The following GRIP1 variants were observed in gnomAD, a reference collection of about 807,000 sequenced individuals.
GRIP1 encodes glutamate receptor-interacting protein 1.
In GRIP1, 45 loss-of-function variants were observed where a neutral mutation model predicts 129.9. The observed-to-expected ratio is 0.35, with a 90% CI of 0.27 to 0.44. The LOEUF (loss-of-function observed/expected upper bound fraction) is 0.44, where lower values mean the gene tolerates loss of function less well. Among genes scored for constraint, GRIP1 ranks in the 20% least tolerant of loss-of-function variants. The pLI, the probability that GRIP1 is intolerant of heterozygous loss-of-function variation, is 1.00. For synonymous variants in GRIP1, 530 were observed against 520.8 expected (o/e 1.02, Z -0.24); for missense variants, 1,196 against 1,396.8 (o/e 0.86, Z 2.29).
chr12:66,725,444 TTA>T (rs1363412700), intron 1 of GRIP1, among the ~76,000 whole-genome samples: 1 of 152,200 alleles, frequency 6.6e-6, no homozygotes, highest in East Asian at 1.9e-4. Context: ...TTTTGTTGTT[TTA>T]TATATAAATT....
At chr12:66,923,337 C>T (rs1251595366) in intron 1 of GRIP1, among the ~76,000 whole-genome samples, 1 of 152,012 alleles carries the variant, frequency 6.6e-6, no homozygotes, top group Admixed American at 6.6e-5. Flanking sequence ...AGAGTGAGAC[C>T]CTGTCTCAAA....
At chr12:66,937,611 T>C (rs1336923715) in intron 1 of GRIP1, among the ~76,000 whole-genome samples, 1 of 152,144 alleles carries the variant, frequency 6.6e-6, no homozygotes, top group African/African-American at 2.4e-5. Context: ...GAATAGATGA[T>C]AACAGAATGC....
intron 1 of GRIP1, among the ~76,000 whole-genome samples, chr12:66,698,290 G>A (rs1466285109): frequency 6.6e-6 from 1 of 152,168 alleles, no homozygotes; most frequent in Non-Finnish European, 1.5e-5. Context: ...ACAATTAATT[G>A]TACTTAATTT....
chr12:66,989,785 T>C lies in GRIP1; in HGVS notation c.58+79265A>G, dbSNP rs554084809. ...GGAAATGGAATCCCTGGCTCCAACATGATCTGGCTGACGGCACCAAAACCT... is the reference window on the plus strand; with the variant it reads ...GGAAATGGAATCCCTGGCTCCAACACGATCTGGCTGACGGCACCAAAACCT... On this transcript the variant is annotated intron_variant, in intron 1 of 1. Transcript: ENST00000643019. 3.0e-3 allele frequency among the ~76,000 whole-genome samples: 460 copies of C among 152,320 alleles called. 3 individuals carry two copies. Among genetic ancestry groups the C allele is most frequent in the Non-Finnish European group, 3.9e-3 (264 of 68,020 alleles).
chr12:66,766,603 T>C (rs1028637755), intron 1 of GRIP1, among the ~76,000 whole-genome samples: 6 of 152,194 alleles, frequency 3.9e-5, no homozygotes, highest in Non-Finnish European at 5.9e-5. Flanking sequence ...ATGGCTGCCC[T>C]GTGAGGAACC....
At chr12:66,672,647 G>A (rs1480395286) in intron 1 of GRIP1, among the ~76,000 whole-genome samples, 4 of 151,992 alleles carry the variant, frequency 2.6e-5, no homozygotes, top group Non-Finnish European at 5.9e-5. Context: ...GAAACTAAAA[G>A]AGAGAAAAAG....
At chr12:66,846,569 A>G (rs2039819479) in intron 1 of GRIP1, among the ~76,000 whole-genome samples, 1 of 152,196 alleles carries the variant, frequency 6.6e-6, no homozygotes, top group Non-Finnish European at 1.5e-5. Context: ...GATGACTAAC[A>G]CCGAAAAAAT....
At chr12:66,990,509 A>G (rs746260338) in intron 1 of GRIP1, among the ~76,000 whole-genome samples, 16 of 152,234 alleles carry the variant, frequency 1.1e-4, no homozygotes, top group Non-Finnish European at 1.9e-4. Context: ...GGAAGCAAAC[A>G]AGTGTTGAGT....
At chr12:66,727,933 G>A (rs2036308388) in intron 1 of GRIP1, among the ~76,000 whole-genome samples, 1 of 152,156 alleles carries the variant, frequency 6.6e-6, no homozygotes, top group African/African-American at 2.4e-5. Flanking sequence ...GCATGGGCAA[G>A]AAATAATTTC....
intron 23 of GRIP1, among the ~76,000 whole-genome samples, chr12:66,355,939 C>T (rs1299790071): frequency 6.6e-6 from 1 of 152,146 alleles, no homozygotes; most frequent in Non-Finnish European, 1.5e-5. Context: ...AGATTTAATT[C>T]TGGAGTTCCA....
chr12:66,477,697 C>A (rs1377761994), intron 7 of GRIP1, among the ~76,000 whole-genome samples: 2 of 152,132 alleles, frequency 1.3e-5, no homozygotes, highest in African/African-American at 4.8e-5. Context: ...GCTAATGGAA[C>A]AGAATAGAGC....
intron 1 of GRIP1, among the ~76,000 whole-genome samples, chr12:66,757,349 C>A (rs2037326732): frequency 2.0e-5 from 3 of 152,134 alleles, no homozygotes; most frequent in Admixed American, 1.3e-4. Flanking sequence ...CTTTCTGTGT[C>A]TGGCTTATTT....
chr12:67,037,959 C>T (rs1176347679), intron 1 of GRIP1, among the ~76,000 whole-genome samples: 1 of 152,154 alleles, frequency 6.6e-6, no homozygotes, highest in Non-Finnish European at 1.5e-5. Flanking sequence ...CTACTTCAAA[C>T]TATGCATTAT....
rs2038290272 is a variant in GRIP1, at chr12:66,785,313, TACATACATACATAC to T, written c.-420+18726_-420+18739del. On this transcript the variant is annotated intron_variant, in intron 1 of 4. Transcript: ENST00000538373. ...GACTCTTCCAAGAATTTAACATACA[TACATACATACATAC>T]ATACATACATACATACATATATATA... Among the ~76,000 whole-genome samples, 5 of 49,120 alleles carry T rather than the reference TACATACATACATAC, an allele frequency of 1.0e-4. 1 individual carries two copies. Among genetic ancestry groups the T allele is most frequent in the African/African-American group, 1.9e-4 (3 of 15,594 alleles). 32.2% of individuals were successfully genotyped at this position (49,120 alleles called of 152,430 possible).
intron 1 of GRIP1, among the ~76,000 whole-genome samples, chr12:66,974,467 T>C (rs1365066763): frequency 3.3e-5 from 5 of 152,214 alleles, no homozygotes; most frequent in African/African-American, 1.2e-4. Context: ...GAACACTGCC[T>C]AGCATTCACT....
intron 19 of GRIP1, among the ~76,000 whole-genome samples, chr12:66,379,673 G>A (rs1401857122): frequency 6.6e-6 from 1 of 152,176 alleles, no homozygotes; most frequent in African/African-American, 2.4e-5. Context: ...TTTTACAGAT[G>A]AGGACACGGA....
At chr12:66,888,342 T>A (rs1021474593) in intron 1 of GRIP1, among the ~76,000 whole-genome samples, 7 of 152,052 alleles carry the variant, frequency 4.6e-5, no homozygotes, top group Admixed American at 4.6e-4. Flanking sequence ...ATTACAGGCA[T>A]GAACCACAGG....
At chr12:66,535,596 C>T (rs2061581865) in intron 4 of GRIP1, among the ~76,000 whole-genome samples, 1 of 152,142 alleles carries the variant, frequency 6.6e-6, no homozygotes, top group South Asian at 2.1e-4. Flanking sequence ...AGCAAAGCTG[C>T]CATGTAACTG....
intron 2 of GRIP1, among the ~76,000 whole-genome samples, chr12:66,584,869 GT>G (rs1185068097): frequency 6.6e-6 from 1 of 151,616 alleles, no homozygotes; most frequent in Non-Finnish European, 1.5e-5. Context: ...CATACTCTCT[GT>G]GGATGACCTC....
Sources: gnomAD v4.1 joint callset for allele counts (sites outside exome capture counted in the v4.1 genomes callset) on GRCh38, gnomAD v4.1.1 for gene constraint, MANE v1.5 for transcripts, NCBI Gene and HGNC (gene_info 2026-07-23, HGNC 2026-07-21) for gene names.